Variants in CAMK1D observed in about 807,000 individuals in gnomAD.
The protein encoded by CAMK1D is calcium/calmodulin-dependent protein kinase type 1D.
CAMK1D carries 9 observed loss-of-function variants against 47.7 expected under a neutral mutation model. That is an observed-to-expected ratio of 0.19 (90% CI 0.11 to 0.33). The LOEUF is 0.33. Among genes scored for constraint, CAMK1D ranks in the 10% least tolerant of loss-of-function variants. CAMK1D has a pLI of 1.00. For synonymous variants in CAMK1D, 184 were observed against 184.9 expected (o/e 0.99, Z 0.04); for missense variants, 291 against 488.7 (o/e 0.60, Z 3.81).
intron 2 of CAMK1D, among the ~76,000 whole-genome samples, chr10:12,629,139 G>A (rs545101011): frequency 1.3e-5 from 2 of 152,232 alleles, no homozygotes; most frequent in Non-Finnish European, 2.9e-5. Context: ...TGGGTGAGGC[G>A]GGAGCTTTTG....
At chr10:12,504,157 T>C (rs909438436) in intron 1 of CAMK1D, among the ~76,000 whole-genome samples, 1 of 151,000 alleles carries the variant, frequency 6.6e-6, no homozygotes, top group Non-Finnish European at 1.5e-5. Flanking sequence ...GTGTGATGTA[T>C]GTAATATATT....
At chr10:12,391,976 AACACAC>A (rs10659393) in intron 1 of CAMK1D, among the ~76,000 whole-genome samples, 1,474 of 143,230 alleles carry the variant, frequency 0.01, 20 homozygotes, top group African/African-American at 0.024. Context: ...CTTGTCTTAA[AACACAC>A]ACACACACAC....
intron 1 of CAMK1D, among the ~76,000 whole-genome samples, chr10:12,395,381 T>A (rs560992281): frequency 6.6e-6 from 1 of 152,200 alleles, no homozygotes; most frequent in South Asian, 2.1e-4. Flanking sequence ...GTTTTTGAAG[T>A]GCCTAGCTCC....
chr10:12,359,412 T>C (rs1837598071), intron 1 of CAMK1D, among the ~76,000 whole-genome samples: 1 of 142,148 alleles, frequency 7.0e-6, no homozygotes, highest in African/African-American at 2.5e-5. Context: ...CATGTAATGC[T>C]AGCATTAAGC....
At chr10:12,388,305 G>A (rs1401693681) in intron 1 of CAMK1D, among the ~76,000 whole-genome samples, 1 of 152,144 alleles carries the variant, frequency 6.6e-6, no homozygotes, top group Non-Finnish European at 1.5e-5. Flanking sequence ...GAGATTACAC[G>A]TGTGAGCCAC....
intron 1 of CAMK1D, among the ~76,000 whole-genome samples, chr10:12,474,893 C>T (rs116539621): frequency 0.029 from 4,454 of 151,140 alleles, 210 homozygotes; most frequent in African/African-American, 0.1. Context: ...AGGCTAATGG[C>T]CTCCGGCTCC....
At chr10:12,744,589 A>G (rs1835579547) in intron 3 of CAMK1D, among the ~76,000 whole-genome samples, 1 of 152,152 alleles carries the variant, frequency 6.6e-6, no homozygotes, top group Non-Finnish European at 1.5e-5. Flanking sequence ...CAACAAAGAA[A>G]GGCGAACCTT....
chr10:12,478,568 G>A (rs955145792), intron 1 of CAMK1D, among the ~76,000 whole-genome samples: 1 of 152,158 alleles, frequency 6.6e-6, no homozygotes, highest in African/African-American at 2.4e-5. Context: ...ATAGGCATGA[G>A]CCACTGCCCC....
intron 3 of CAMK1D, among the ~76,000 whole-genome samples, chr10:12,733,594 C>G (rs1463643306): frequency 6.6e-6 from 1 of 152,162 alleles, no homozygotes; most frequent in African/African-American, 2.4e-5. Context: ...GCGTGTATAG[C>G]CACAGAAGAA....
chr10:12,590,313 G>C (rs2132359571), intron 2 of CAMK1D, among the ~76,000 whole-genome samples: 1 of 152,212 alleles, frequency 6.6e-6, no homozygotes, highest in East Asian at 1.9e-4. Flanking sequence ...GACCTCCTGG[G>C]CTCAAGCGAT....
At chr10:12,359,915 G>A (rs1837612182) in intron 1 of CAMK1D, among the ~76,000 whole-genome samples, 1 of 152,108 alleles carries the variant, frequency 6.6e-6, no homozygotes, top group Non-Finnish European at 1.5e-5. Context: ...TTTTTGCATG[G>A]GAGTTGGGAG....
intron 6 of CAMK1D, among the ~76,000 whole-genome samples, chr10:12,805,042 C>A (rs890843212): frequency 6.6e-6 from 1 of 151,390 alleles, no homozygotes; most frequent in African/African-American, 2.4e-5. Context: ...AGGCGGATCA[C>A]GAGGTCAGAA....
rs146252300 is a variant in CAMK1D at position 12,471,554 on chromosome 10, T to C, written c.93-81671T>C. 5.9e-3 allele frequency among the ~76,000 whole-genome samples: 893 copies of C among 152,306 alleles called. 8 individuals carry two copies. Among genetic ancestry groups the C allele is most frequent in the African/African-American group, 0.021 (868 of 41,560 alleles). ...AGGAGCTATCCAGGTTGACAGGGTA[T>C]TGGCCAAGGGCCTTTCAGCTCATTC... On this transcript the variant is annotated intron_variant, in intron 1 of 10. Transcript: ENST00000619168.
chr10:12,745,955 T>C (rs1322897037), intron 3 of CAMK1D, among the ~76,000 whole-genome samples: 1 of 152,186 alleles, frequency 6.6e-6, no homozygotes, highest in Non-Finnish European at 1.5e-5. Context: ...GAACAGTCAC[T>C]TAGTTGAAAG....
At chr10:12,697,777 G>T (rs1212213595) in intron 3 of CAMK1D, among the ~76,000 whole-genome samples, 5 of 152,206 alleles carry the variant, frequency 3.3e-5, no homozygotes, top group Non-Finnish European at 7.3e-5. Flanking sequence ...TTTCACCGAA[G>T]TTCCCGAACC....
intron 1 of CAMK1D, among the ~76,000 whole-genome samples, chr10:12,514,757 T>C (rs1835138961): frequency 6.6e-6 from 1 of 152,276 alleles, no homozygotes; most frequent in Non-Finnish European, 1.5e-5. Context: ...CTTTCCCCAC[T>C]CAATAAGAAG....
intron 2 of CAMK1D, among the ~76,000 whole-genome samples, chr10:12,615,742 G>C (rs1433658095): frequency 6.6e-6 from 1 of 151,412 alleles, no homozygotes; most frequent in South Asian, 2.1e-4. Flanking sequence ...GTGTGTGGGG[G>C]TGTGTATAGT....
At chr10:12,618,726 A>G (rs768668719) in intron 2 of CAMK1D, among the ~76,000 whole-genome samples, 23 of 152,208 alleles carry the variant, frequency 1.5e-4, no homozygotes, top group Non-Finnish European at 2.2e-4. Flanking sequence ...GGAAAAAAAA[A>G]GAGACTCTTC....
At chr10:12,364,630 A>G (rs1312177535) in intron 1 of CAMK1D, among the ~76,000 whole-genome samples, 1 of 152,088 alleles carries the variant, frequency 6.6e-6, no homozygotes, top group Non-Finnish European at 1.5e-5. Flanking sequence ...AAAAAAAAGC[A>G]AAACCTCACG....
Sources: gnomAD v4.1 joint callset for allele counts (sites outside exome capture counted in the v4.1 genomes callset) on GRCh38, gnomAD v4.1.1 for gene constraint, MANE v1.5 for transcripts, NCBI Gene and HGNC (gene_info 2026-07-23, HGNC 2026-07-21) for gene names.